AZIN2: variants seen among roughly 807,000 people sequenced by gnomAD.
AZIN2 encodes antizyme inhibitor 2.
AZIN2 carries 28 observed loss-of-function variants against 47.8 expected under a neutral mutation model. The observed-to-expected ratio is 0.59, with a 90% CI of 0.43 to 0.80. AZIN2 has a LOEUF of 0.80. AZIN2 is among the 30% of genes least tolerant of loss of function. The probability of loss-of-function intolerance (pLI) is 0.00; values close to 1 mark genes in which losing one functional copy is unlikely to be tolerated. For missense variants in AZIN2, 535 were observed against 582.5 expected (o/e 0.92, Z 0.84); for synonymous variants, 221 against 239.4 (o/e 0.92, Z 0.71).
downstream of AZIN2, among the ~76,000 whole-genome samples, chr1:33,126,278 T>C (rs888722993): frequency 1.3e-5 from 2 of 152,174 alleles, no homozygotes; most frequent in Non-Finnish European, 2.9e-5. Flanking sequence ...TTACTTTCTA[T>C]TCCTTCATTA....
the AZIN2 span, among the ~76,000 whole-genome samples, chr1:33,152,524 GC>G: frequency 1.3e-5 from 2 of 148,860 alleles, no homozygotes; most frequent in Non-Finnish European, 3.0e-5. Flanking sequence ...CCAAGATTGT[GC>G]CATTGCACTC....
the AZIN2 span, chr1:33,165,502 T>G: frequency 6.2e-7 from 1 of 1,609,454 alleles, no homozygotes; most frequent in Non-Finnish European, 8.5e-7. The surrounding 1 kb of genome is among the most constrained non-coding windows in gnomAD (Gnocchi z 4.0). Flanking sequence ...CTTGAGCAGC[T>G]GCAGCGCTTC....
At chr1:33,114,728 C>T (rs1416152339) in intron 10 of AZIN2, among the ~76,000 whole-genome samples, 1 of 137,054 alleles carries the variant, frequency 7.3e-6, no homozygotes, top group Non-Finnish European at 1.5e-5. Flanking sequence ...TGGATCTTGG[C>T]TCACTGCAAC....
At chr1:33,112,984 T>A (rs891496576) in intron 10 of AZIN2, among the ~76,000 whole-genome samples, 1 of 152,036 alleles carries the variant, frequency 6.6e-6, no homozygotes, top group African/African-American at 2.4e-5. Context: ...TATTTATTTA[T>A]TTTTTTTGAG....
At chr1:33,127,540 C>A (rs897129894), downstream of AZIN2, among the ~76,000 whole-genome samples, 11 of 152,214 alleles carry the variant, frequency 7.2e-5, no homozygotes, top group Non-Finnish European at 1.5e-4. Context: ...ACTGAGGCGG[C>A]GTGGGAAGCG....
chr1:33,097,805 C>T (rs1278382467), intron 9 of AZIN2, among the ~76,000 whole-genome samples: 1 of 152,112 alleles, frequency 6.6e-6, no homozygotes, highest in Non-Finnish European at 1.5e-5. Flanking sequence ...TCTGCCTTTG[C>T]TGGGGCACCT....
chr1:33,089,830 T>G (rs1489122445), intron 5 of AZIN2, among the ~76,000 whole-genome samples: 1 of 152,238 alleles, frequency 6.6e-6, no homozygotes, highest in Non-Finnish European at 1.5e-5. Context: ...AATTAGACTC[T>G]TATTACAAAA....
the AZIN2 span, among the ~76,000 whole-genome samples, chr1:33,157,434 G>C: frequency 6.6e-6 from 1 of 151,718 alleles, no homozygotes; most frequent in Non-Finnish European, 1.5e-5. Context: ...AGTGCGGGCT[G>C]GTTCCTGGAC....
At chr1:33,111,172 G>A (rs745489398) in intron 10 of AZIN2, among the ~76,000 whole-genome samples, 1 of 152,226 alleles carries the variant, frequency 6.6e-6, no homozygotes, top group Non-Finnish European at 1.5e-5. Flanking sequence ...TACTTGCTGG[G>A]TAACCTTAGG....
chr1:33,160,920 T>C, the AZIN2 span, among the ~76,000 whole-genome samples: 99 of 152,326 alleles, frequency 6.5e-4, no homozygotes, highest in African/African-American at 2.3e-3. Context: ...TGAACTTTCA[T>C]GGTTTTCTCT....
chr1:33,144,897 G>A, the AZIN2 span, among the ~76,000 whole-genome samples: 2 of 152,194 alleles, frequency 1.3e-5, no homozygotes, highest in Non-Finnish European at 2.9e-5. Context: ...GAGGCAGCTG[G>A]GGGGATAGGG....
chr1:33,165,730 C>G, the AZIN2 span: 1 of 497,142 alleles, frequency 2.0e-6, no homozygotes, highest in East Asian at 3.4e-5. The surrounding 1 kb of genome is among the most constrained non-coding windows in gnomAD (Gnocchi z 4.0). Context: ...TAGAGTCTGT[C>G]TCCTAAACAC....
At chr1:33,149,699 G>T in the AZIN2 span, among the ~76,000 whole-genome samples, 1 of 152,104 alleles carries the variant, frequency 6.6e-6, no homozygotes, top group African/African-American at 2.4e-5. Flanking sequence ...AAGTGATCCT[G>T]CTGCCTCAGC....
intron 10 of AZIN2, among the ~76,000 whole-genome samples, chr1:33,111,540 C>A (rs1290202086): frequency 2.0e-5 from 3 of 151,700 alleles, no homozygotes; most frequent in African/African-American, 4.8e-5. Flanking sequence ...CCAGCTGAGG[C>A]AAACTGGGGG....
the AZIN2 span, chr1:33,166,213 C>G: frequency 6.6e-6 from 1 of 152,354 alleles, no homozygotes. Context: ...AGGGCTCCCA[C>G]TGATCCTACA....
the AZIN2 span, among the ~76,000 whole-genome samples, chr1:33,133,699 G>T: frequency 1.3e-5 from 2 of 152,204 alleles, no homozygotes; most frequent in African/African-American, 4.8e-5. Context: ...GCAGTGGACT[G>T]CTCCCCCAGG....
chr1:33,100,564 C>CGT (rs57021036), intron 10 of AZIN2, among the ~76,000 whole-genome samples: 12,016 of 148,224 alleles, frequency 0.081, 891 homozygotes, highest in African/African-American at 0.21. Context: ...GATAGAAACA[C>CGT]GTGTGTGTGT....
chr1:33,142,266 A>G, the AZIN2 span: 1 of 152,304 alleles, frequency 6.6e-6, no homozygotes, highest in East Asian at 1.9e-4. Context: ...AGGTGTGAGC[A>G]GTCAGCCTCT....
downstream of AZIN2, among the ~76,000 whole-genome samples, chr1:33,128,026 A>T (rs1380951641): frequency 6.6e-6 from 1 of 152,028 alleles, no homozygotes; most frequent in Non-Finnish European, 1.5e-5. Context: ...GTAAAATAGG[A>T]TAATAGTATC....
Sources: allele counts gnomAD v4.1 joint callset (sites outside exome capture counted in the v4.1 genomes callset), GRCh38; gene constraint gnomAD v4.1.1; non-coding constraint Gnocchi (gnomAD v3.1); transcripts MANE v1.5; gene names NCBI Gene and HGNC (gene_info 2026-07-23, HGNC 2026-07-21).